The following SYN3 variants were observed in gnomAD, a reference collection of about 807,000 sequenced individuals.
SYN3 encodes synapsin-3.
Under a neutral mutation model 65.8 loss-of-function variants are expected in SYN3, and 35 were observed. The observed-to-expected ratio is 0.53, with a 90% CI of 0.41 to 0.70. SYN3 has a LOEUF of 0.70. SYN3 is among the 30% of genes least tolerant of loss of function. SYN3 has a pLI of 0.00. For missense variants in SYN3, 680 were observed against 749.0 expected (o/e 0.91, Z 1.08); for synonymous variants, 270 against 292.9 (o/e 0.92, Z 0.80).
intron 6 of SYN3, chr22:32,857,391 GTTTGGCCAAGGTCCAC>G (rs1367126464): frequency 6.5e-7 from 1 of 1,549,498 alleles, no homozygotes; most frequent in Non-Finnish European, 8.9e-7. Flanking sequence ...CTAGGCCAGG[GTTTGGCCAAGGTCCAC>G]TGTTTCTTGA....
intron 6 of SYN3, among the ~76,000 whole-genome samples, chr22:32,730,530 A>C (rs577048272): frequency 1.3e-5 from 2 of 152,316 alleles, no homozygotes; most frequent in South Asian, 4.1e-4. Context: ...AGTGTGTTCA[A>C]GAGGATTCTG....
intron 13 of SYN3, 38 bp from the exon 14 acceptor site, chr22:32,513,862 C>T (rs756831298): frequency 1.2e-5 from 20 of 1,611,874 alleles, no homozygotes; most frequent in Middle Eastern, 1.6e-4. Flanking sequence ...GAAGACAAGG[C>T]GAAGACTATC....
chr22:32,752,109 A>G (rs554432343), intron 6 of SYN3, among the ~76,000 whole-genome samples: 1 of 152,304 alleles, frequency 6.6e-6, no homozygotes, highest in Non-Finnish European at 1.5e-5. Context: ...TGCTTAATAA[A>G]TACTTGCTGA....
intron 3 of SYN3, among the ~76,000 whole-genome samples, chr22:32,976,994 T>TGGGG (rs133920): frequency 6.7e-6 from 1 of 148,780 alleles, no homozygotes; most frequent in Admixed American, 6.7e-5. Flanking sequence ...GTGAGATTCC[T>TGGGG]GGGGGGGGGG....
At position 32,509,933 on chromosome 22, in the gene SYN3, G is replaced by T. The variant is rs1468848612; in HGVS notation, c.*3759C>A. 6.6e-6 allele frequency among the ~76,000 whole-genome samples: 1 copy of T among 152,150 alleles called. No homozygotes were observed. The highest frequency in any genetic ancestry group is 2.4e-5 in the African/African-American group (1 of 41,428). On this transcript the variant is annotated 3_prime_UTR_variant, in exon 14 of 14. Coordinates refer to ENST00000358763, the MANE Select transcript of SYN3 (RefSeq NM_003490.4). ...TGTTATGTCATGGATCTGGATATAT[G>T]AGTATGGTTATAAAAATCAGGATGC... is the stretch of plus-strand genomic sequence containing the variant.
chr22:32,926,318 G>A (rs917549097), intron 4 of SYN3, among the ~76,000 whole-genome samples: 6 of 152,208 alleles, frequency 3.9e-5, no homozygotes, highest in African/African-American at 1.2e-4. Context: ...AGGGTGCTAT[G>A]AAGAAGTACA....
At chr22:32,963,935 G>T (rs1392367142) in intron 3 of SYN3, among the ~76,000 whole-genome samples, 1 of 152,152 alleles carries the variant, frequency 6.6e-6, no homozygotes, top group East Asian at 1.9e-4. Context: ...CCCAGCAAGG[G>T]GAGGTTCAGG....
In SYN3 at chr22:32,513,638, G is replaced by A. The variant is rs2057720692; in HGVS notation, c.*54C>T. On this transcript the variant is annotated 3_prime_UTR_variant, in exon 14 of 14. Coordinates refer to ENST00000358763, the MANE Select transcript of SYN3 (RefSeq NM_003490.4). ...AACCAAGGCTGAGAAGGAAGATGAG[G>A]CAGGAGGGGGACGAGTGTAGCAGAG... The A allele has an allele frequency of 2.5e-6, 4 of 1,595,610 alleles. No homozygotes were observed. Among genetic ancestry groups the A allele is most frequent in the Non-Finnish European group, 2.6e-6 (3 of 1,167,828 alleles).
In SYN3 at chr22:32,543,698, G is replaced by A. The variant is rs1165542972; in HGVS notation, c.775-1985C>T. On this transcript the variant is annotated intron_variant, in intron 7 of 13. Coordinates refer to ENST00000358763, the MANE Select transcript of SYN3 (RefSeq NM_003490.4). ...AGATTACTTTGCTCCAGTCTGTCGT[G>A]CGGGTAGATGTGCCTGAGTCTCCAA... is the stretch of plus-strand genomic sequence containing the variant. 3.9e-5 allele frequency among the ~76,000 whole-genome samples: 6 copies of A among 152,246 alleles called. No homozygotes were observed. The East Asian group carries it at 1.2e-3, about 29-fold the overall frequency.
chr22:32,849,328 A>G lies in SYN3; in HGVS notation c.711+15587T>C, dbSNP rs2048153758. ...TCTTGTAAACACAATCATCTATTCC[A>G]GTTGGCTCCAAGGTAAGAGTGCAAT... On this transcript the variant is annotated intron_variant, in intron 6 of 13. Transcript: ENST00000358763. 6 of 767,856 alleles carry G rather than the reference A, an allele frequency of 7.8e-6. No homozygotes were observed. The South Asian group carries it at 9.1e-5, about 12-fold the overall frequency. 47.6% of individuals were successfully genotyped at this position (767,856 alleles called of 1,614,324 possible).
chr22:32,857,973 C>G (rs1295314821), intron 6 of SYN3: 1 of 1,613,888 alleles, frequency 6.2e-7, no homozygotes, highest in Admixed American at 1.7e-5. Flanking sequence ...GGGCTAGGCT[C>G]TGGACAAAAC....
intron 6 of SYN3, among the ~76,000 whole-genome samples, chr22:32,657,592 C>T (rs2060160172): frequency 6.6e-6 from 1 of 152,178 alleles, no homozygotes; most frequent in South Asian, 2.1e-4. Context: ...TCAGGCTGCC[C>T]GGGCAGAGCA....
chr22:32,785,101 C>CA (rs130549), intron 6 of SYN3: 31,666 of 149,240 alleles, frequency 0.21, 3,832 homozygotes, highest in East Asian at 0.36. Context: ...AAAAAAAGGA[C>CA]AAAAAAAAAC....
intron 3 of SYN3, among the ~76,000 whole-genome samples, chr22:32,949,659 C>T (rs575395612): frequency 6.6e-6 from 1 of 152,186 alleles, no homozygotes; most frequent in Admixed American, 6.5e-5. Flanking sequence ...GAAGGTAATG[C>T]CAAGCAGATA....
intron 6 of SYN3, among the ~76,000 whole-genome samples, chr22:32,740,472 T>A (rs537553178): frequency 1.3e-5 from 2 of 151,924 alleles, no homozygotes; most frequent in African/African-American, 2.4e-5. Context: ...GTGTAGGAGA[T>A]TGCCAATCAG....
At chr22:32,734,792 G>C (rs1215107867) in intron 6 of SYN3, among the ~76,000 whole-genome samples, 1 of 152,130 alleles carries the variant, frequency 6.6e-6, no homozygotes, top group Non-Finnish European at 1.5e-5. Flanking sequence ...GCTTACACTG[G>C]TTTCTACTAC....
intron 7 of SYN3, among the ~76,000 whole-genome samples, chr22:32,551,372 A>G (rs1172591402): frequency 6.6e-6 from 1 of 152,214 alleles, no homozygotes; most frequent in Non-Finnish European, 1.5e-5. Context: ...GCCAGAATCC[A>G]GAACCTGATT....
intron 6 of SYN3, among the ~76,000 whole-genome samples, chr22:32,780,081 AG>A (rs1322836144): frequency 1.7e-3 from 13 of 7,516 alleles, no homozygotes; most frequent in African/African-American, 7.0e-3. Flanking sequence ...AAAAAAAAAG[AG>A]AGAGAAAAAA....
chr22:32,759,848 C>G (rs1300235299), intron 6 of SYN3, among the ~76,000 whole-genome samples: 22 of 96,990 alleles, frequency 2.3e-4, no homozygotes, highest in African/African-American at 7.3e-4. Context: ...CCACCCACCA[C>G]CAGCCAGTAC....
Sources: gnomAD v4.1 joint callset for allele counts (sites outside exome capture counted in the v4.1 genomes callset) on GRCh38, gnomAD v4.1.1 for gene constraint, MANE v1.5 for transcripts, NCBI Gene and HGNC (gene_info 2026-07-23, HGNC 2026-07-21) for gene names.